Variants in SLC60A1 observed in about 807,000 individuals in gnomAD.
SLC60A1 encodes major facilitator superfamily domain containing 4.
chr1:205,579,689 G>C, the SLC60A1 span: 70 of 1,585,044 alleles, frequency 4.4e-5, no homozygotes, highest in Non-Finnish European at 6.0e-5. Flanking sequence ...CCAGTGAATG[G>C]AGGAGAAGGG....
chr1:205,580,761 A>G, the SLC60A1 span: 2 of 1,614,026 alleles, frequency 1.2e-6, no homozygotes, highest in Non-Finnish European at 8.5e-7. The surrounding 1 kb of genome is among the most constrained non-coding windows in gnomAD (Gnocchi z 5.0). Context: ...AGCACGGCCA[A>G]CACCACCTCC....
chr1:205,580,872 G>A, the SLC60A1 span: 1 of 1,614,118 alleles, frequency 6.2e-7, no homozygotes, highest in Admixed American at 1.7e-5. The surrounding 1 kb of genome is among the most constrained non-coding windows in gnomAD (Gnocchi z 5.0). Flanking sequence ...CCAAAGGACG[G>A]GGCAGGGACC....
the SLC60A1 span, among the ~76,000 whole-genome samples, chr1:205,572,239 A>G: frequency 6.6e-6 from 1 of 152,042 alleles, no homozygotes; most frequent in Admixed American, 6.6e-5. Flanking sequence ...ATTTAGATTA[A>G]AGGTTAGGAT....
the SLC60A1 span, among the ~76,000 whole-genome samples, chr1:205,592,536 T>A: frequency 1.7e-4 from 25 of 150,774 alleles, no homozygotes; most frequent in Middle Eastern, 0.014. Context: ...CTCCCCCCTC[T>A]CCCCACCCCA....
At chr1:205,599,263 ATC>A in the SLC60A1 span, 1 of 1,613,480 alleles carries the variant, frequency 6.2e-7, no homozygotes, top group South Asian at 1.1e-5. Context: ...TAAGGAAAGT[ATC>A]TGTTTCTACA....
the SLC60A1 span, chr1:205,586,230 CTCTCT>C: frequency 1.1e-5 from 18 of 1,612,180 alleles, no homozygotes; most frequent in Non-Finnish European, 1.5e-5. Flanking sequence ...ATAGCCTCCT[CTCTCT>C]TCTGAGAGAC....
the SLC60A1 span, among the ~76,000 whole-genome samples, chr1:205,589,589 A>T: frequency 6.6e-6 from 1 of 152,148 alleles, no homozygotes; most frequent in Non-Finnish European, 1.5e-5. Flanking sequence ...TTTCCATCTA[A>T]CATAGCTTGC....
chr1:205,599,278 AGAG>A, the SLC60A1 span: 1 of 1,612,580 alleles, frequency 6.2e-7, no homozygotes, highest in Non-Finnish European at 8.5e-7. Flanking sequence ...TTTCTACACA[AGAG>A]GAGGAAAACA....
the SLC60A1 span, among the ~76,000 whole-genome samples, chr1:205,580,343 G>C: frequency 6.6e-6 from 1 of 152,112 alleles, no homozygotes; most frequent in African/African-American, 2.4e-5. The surrounding 1 kb of genome is among the most constrained non-coding windows in gnomAD (Gnocchi z 5.0). Context: ...GGTGTTAGCT[G>C]GTGGATGCTA....
the SLC60A1 span, among the ~76,000 whole-genome samples, chr1:205,595,570 C>T: frequency 2.9e-5 from 4 of 139,022 alleles, no homozygotes; most frequent in Non-Finnish European, 4.6e-5. Flanking sequence ...GGTAAGAGCA[C>T]GGGCTGTGCA....
the SLC60A1 span, chr1:205,586,295 C>A: frequency 6.8e-7 from 1 of 1,477,998 alleles, no homozygotes; most frequent in Non-Finnish European, 9.2e-7. Flanking sequence ...TTTGCCCAGG[C>A]CTACATTCTG....
At chr1:205,586,289 C>A in the SLC60A1 span, 1 of 1,509,858 alleles carries the variant, frequency 6.6e-7, no homozygotes, top group Non-Finnish European at 9.1e-7. Flanking sequence ...AGGACGTTTG[C>A]CCAGGCCTAC....
chr1:205,592,105 G>T, the SLC60A1 span: 10 of 1,611,496 alleles, frequency 6.2e-6, no homozygotes, highest in South Asian at 7.7e-5. Flanking sequence ...TCAGCTTTTC[G>T]CAATTCCTAA....
At chr1:205,578,391 C>T in the SLC60A1 span, among the ~76,000 whole-genome samples, 34 of 152,290 alleles carry the variant, frequency 2.2e-4, no homozygotes, top group East Asian at 3.9e-4. Flanking sequence ...CTCCCCATGA[C>T]GCACTCTCCC....
At chr1:205,600,158 G>T in the SLC60A1 span, 3 of 444,130 alleles carry the variant, frequency 6.8e-6, no homozygotes, top group Non-Finnish European at 1.2e-5. Context: ...AACATTAAAT[G>T]AATAACACTT....
the SLC60A1 span, among the ~76,000 whole-genome samples, chr1:205,585,191 T>C: frequency 6.6e-6 from 1 of 152,226 alleles, no homozygotes; most frequent in South Asian, 2.1e-4. The surrounding 1 kb of genome is among the most constrained non-coding windows in gnomAD (Gnocchi z 4.2). Flanking sequence ...TATGGGCTTC[T>C]GTCTTGGCCA....
At chr1:205,596,886 A>C in the SLC60A1 span, among the ~76,000 whole-genome samples, 1 of 152,184 alleles carries the variant, frequency 6.6e-6, no homozygotes, top group South Asian at 2.1e-4. Flanking sequence ...TCTGTGAAGG[A>C]GGTGTGATGC....
At chr1:205,579,692 G>A in the SLC60A1 span, 25 of 1,590,138 alleles carry the variant, frequency 1.6e-5, no homozygotes, top group African/African-American at 3.0e-4. Context: ...GTGAATGGAG[G>A]AGAAGGGGGA....
the SLC60A1 span, chr1:205,600,535 G>T: frequency 6.7e-6 from 10 of 1,500,004 alleles, no homozygotes; most frequent in African/African-American, 1.2e-4. Flanking sequence ...TCAGAAAGCT[G>T]GGTGGTGGTG....
Sources: gnomAD v4.1 joint callset for allele counts (sites outside exome capture counted in the v4.1 genomes callset) on GRCh38, gnomAD v4.1.1 for gene constraint, Gnocchi (gnomAD v3.1) non-coding constraint, MANE v1.5 for transcripts, NCBI Gene and HGNC (gene_info 2026-07-23, HGNC 2026-07-21) for gene names.